The following ACSS3 variants were observed in gnomAD, a reference collection of about 807,000 sequenced individuals.
ACSS3 encodes acyl-CoA synthetase short chain family member 3.
Under a neutral mutation model 84.2 loss-of-function variants are expected in ACSS3, and 64 were observed. The observed-to-expected ratio is 0.76, with a 90% CI of 0.62 to 0.94. ACSS3 has a LOEUF of 0.94. Ranked by LOEUF, ACSS3 falls within the 40% of genes least tolerant of loss-of-function variation. ACSS3 has a pLI of 0.00. For synonymous variants in ACSS3, 317 were observed against 310.1 expected, an observed-to-expected ratio of 1.02 and a Z score of -0.23; for missense variants, 815 against 867.6, an observed-to-expected ratio of 0.94 and a Z score of 0.76.
intron 7 of ACSS3, among the ~76,000 whole-genome samples, chr12:81,157,971 A>C (rs1033198976): frequency 7.6e-6 from 1 of 131,600 alleles, no homozygotes; most frequent in Admixed American, 7.9e-5. Context: ...CACACACACA[A>C]ATCCCATAAC....
chr12:81,218,382 A>G (rs2032995983), intron 10 of ACSS3, among the ~76,000 whole-genome samples: 1 of 152,214 alleles, frequency 6.6e-6, no homozygotes, highest in Non-Finnish European at 1.5e-5. Flanking sequence ...TTATTTGCAT[A>G]TAAACTACAA....
intron 13 of ACSS3, among the ~76,000 whole-genome samples, chr12:81,244,134 A>G (rs935197356): frequency 2.7e-4 from 41 of 152,106 alleles, no homozygotes; most frequent in African/African-American, 9.9e-4. Flanking sequence ...GTAATTCTAG[A>G]ATTAATGGTG....
chr12:81,202,479 A>G (rs1171449537), intron 9 of ACSS3, among the ~76,000 whole-genome samples: 1 of 152,104 alleles, frequency 6.6e-6, no homozygotes, highest in African/African-American at 2.4e-5. Flanking sequence ...TATCAAATAG[A>G]TGGTGGTACA....
chr12:81,241,064 CTA>C (rs956827549), intron 13 of ACSS3, among the ~76,000 whole-genome samples: 32 of 148,708 alleles, frequency 2.2e-4, no homozygotes, highest in African/African-American at 7.9e-4. Context: ...CAATTCCCAC[CTA>C]TGAGTGAGAA....
At chr12:81,154,455 C>T (rs2013834245) in intron 7 of ACSS3, among the ~76,000 whole-genome samples, 1 of 152,202 alleles carries the variant, frequency 6.6e-6, no homozygotes, top group Non-Finnish European at 1.5e-5. Flanking sequence ...AAGTAAGCTA[C>T]TATTTAAAAC....
In ACSS3 at chr12:81,098,151, A is replaced by AGTGTGT. The variant is rs1555243703; in HGVS notation, c.312-11385_312-11380dup. Among the ~76,000 whole-genome samples the AGTGTGT allele has an allele frequency of 1.9e-3, 246 of 129,304 alleles. 1 individual carries two copies. Among genetic ancestry groups the AGTGTGT allele is most frequent in the Middle Eastern group, 3.8e-3 (1 of 262 alleles). 84.8% of individuals were successfully genotyped at this position (129,304 alleles called of 152,430 possible). On this transcript the variant is annotated intron_variant, in intron 1 of 15. Transcript: ENST00000548058. ...GTATGAGAGAGAGAGAGAGAGAGAG[A>AGTGTGT]GTGTGTGTGTGTGTGTGTGTGTGTG...
chr12:81,135,811 C>T, intron 3 of ACSS3, among the ~76,000 whole-genome samples: 1 of 152,090 alleles, frequency 6.6e-6, no homozygotes, highest in Non-Finnish European at 1.5e-5. Context: ...ATTTCACATA[C>T]ACCTGTTAAT....
chr12:81,142,027 T>C (rs1337327661), intron 4 of ACSS3, among the ~76,000 whole-genome samples: 1 of 152,244 alleles, frequency 6.6e-6, no homozygotes. Context: ...TTGGTAAATG[T>C]ACCTATTTAA....
intron 7 of ACSS3, among the ~76,000 whole-genome samples, chr12:81,169,585 T>C (rs1222374020): frequency 6.6e-6 from 1 of 152,190 alleles, no homozygotes; most frequent in East Asian, 1.9e-4. Flanking sequence ...TATGTTATGA[T>C]AGTTAATTCA....
intron 1 of ACSS3, chr12:81,094,360 T>C (rs1881886253): frequency 6.6e-6 from 1 of 152,216 alleles, no homozygotes. Flanking sequence ...TAGAGGACAC[T>C]CAACACTGAA....
chr12:81,131,518 AG>A (rs1403043131), intron 2 of ACSS3, among the ~76,000 whole-genome samples: 4 of 152,124 alleles, frequency 2.6e-5, no homozygotes, highest in Non-Finnish European at 5.9e-5. Context: ...CAGCTTAAGG[AG>A]ATTTGGGGCT....
At chr12:81,139,930 C>T (rs1034502488) in intron 4 of ACSS3, among the ~76,000 whole-genome samples, 1 of 151,886 alleles carries the variant, frequency 6.6e-6, no homozygotes, top group African/African-American at 2.4e-5. Flanking sequence ...CCACCGCGCC[C>T]GGCCATATTT....
intron 1 of ACSS3, among the ~76,000 whole-genome samples, chr12:81,108,036 C>T (rs1056864363): frequency 1.3e-5 from 2 of 151,524 alleles, no homozygotes; most frequent in Admixed American, 6.6e-5. Flanking sequence ...GAGGAAGGGC[C>T]GAGGAAAGAG....
At chr12:81,181,898 C>T (rs2030963817) in intron 8 of ACSS3, among the ~76,000 whole-genome samples, 1 of 151,860 alleles carries the variant, frequency 6.6e-6, no homozygotes, top group Non-Finnish European at 1.5e-5. Context: ...GTGAAGACAG[C>T]CTATGAGATT....
At chr12:81,244,744 C>G (rs1005586071) in intron 13 of ACSS3, among the ~76,000 whole-genome samples, 3 of 152,158 alleles carry the variant, frequency 2.0e-5, no homozygotes, top group Non-Finnish European at 4.4e-5. Context: ...TTTAATCTCT[C>G]TGCTCAGCTT....
At chr12:81,209,154 A>C (rs2032480753) in intron 9 of ACSS3, among the ~76,000 whole-genome samples, 1 of 152,004 alleles carries the variant, frequency 6.6e-6, no homozygotes, top group Admixed American at 6.6e-5. Context: ...AAATCATGTT[A>C]GAAGTATGCA....
intron 2 of ACSS3, among the ~76,000 whole-genome samples, chr12:81,131,700 G>C (rs892436422): frequency 4.6e-5 from 7 of 152,152 alleles, no homozygotes; most frequent in Non-Finnish European, 8.8e-5. Flanking sequence ...TCCCTGTCTT[G>C]TGCCAGTTTT....
At chr12:81,207,605 A>G (rs2032401387) in intron 9 of ACSS3, among the ~76,000 whole-genome samples, 1 of 152,188 alleles carries the variant, frequency 6.6e-6, no homozygotes, top group South Asian at 2.1e-4. Context: ...GCCCTTCATT[A>G]ATGTAAAGGC....
intron 3 of ACSS3, among the ~76,000 whole-genome samples, chr12:81,135,326 ATATAT>A (rs1781296646): frequency 7.0e-6 from 1 of 143,000 alleles, no homozygotes; most frequent in African/African-American, 2.6e-5. Context: ...ATTATATATT[ATATAT>A]TATAATATAT....
Sources: gnomAD v4.1 joint callset for allele counts (sites outside exome capture counted in the v4.1 genomes callset) on GRCh38, gnomAD v4.1.1 for gene constraint, MANE v1.5 for transcripts, NCBI Gene and HGNC (gene_info 2026-07-23, HGNC 2026-07-21) for gene names.